TLE1: variants seen among roughly 807,000 people sequenced by gnomAD.
TLE1 encodes transducin-like enhancer protein 1.
A neutral mutation model predicts 89.8 loss-of-function variants in TLE1; 21 were observed. The observed-to-expected ratio is 0.23, with a 90% CI of 0.17 to 0.34. The LOEUF (loss-of-function observed/expected upper bound fraction) is 0.34, where lower values mean the gene tolerates loss of function less well. TLE1 is among the 10% of genes least tolerant of loss of function. The pLI is 1.00. For synonymous variants in TLE1, 447 were observed against 407.6 expected (o/e 1.10, Z -1.16); for missense variants, 795 against 1,031.2 (o/e 0.77, Z 3.14).
chr9:81,667,183 CAGGTGGATCACTTT>C lies in TLE1; in HGVS notation c.235-13161_235-13148del, dbSNP rs559580550. Among the ~76,000 whole-genome samples, 391 of 151,850 alleles carry C rather than the reference CAGGTGGATCACTTT, an allele frequency of 2.6e-3. 1 individual carries two copies. The highest frequency in any genetic ancestry group is 0.01 in the Middle Eastern group (3 of 290). ...ATTCCAGCATTTCGGGAGGCCGAGG[CAGGTGGATCACTTT>C]AGGTCAGGAGTTTGAGACCAGCCTG... On this transcript the variant is annotated intron_variant, in intron 4 of 19. Coordinates refer to ENST00000376499, the MANE Select transcript of TLE1 (RefSeq NM_005077.5).
At chr9:81,595,600 C>A (rs559755674) in intron 14 of TLE1, among the ~76,000 whole-genome samples, 1 of 152,086 alleles carries the variant, frequency 6.6e-6, no homozygotes, top group Non-Finnish European at 1.5e-5. Flanking sequence ...GGGCGGATCA[C>A]GAGATCAGGA....
intron 14 of TLE1, among the ~76,000 whole-genome samples, chr9:81,603,133 C>T (rs1419234205): frequency 6.6e-6 from 1 of 152,130 alleles, no homozygotes; most frequent in Non-Finnish European, 1.5e-5. Flanking sequence ...GAGGTTCAGC[C>T]CCTTCCCCTA....
chr9:81,637,002 C>CAAA (rs370837419), intron 6 of TLE1, among the ~76,000 whole-genome samples: 1 of 78,840 alleles, frequency 1.3e-5, no homozygotes, highest in African/African-American at 4.4e-5. Context: ...GACTCCGTCT[C>CAAA]AAAAAAAAAA....
Position 81,673,000 on chromosome 9 carries a change from CGGTG to C in TLE1, c.234+12672_234+12675del, listed in dbSNP as rs1262432777. 1.1e-4 allele frequency among the ~76,000 whole-genome samples: 17 copies of C among 151,900 alleles called. No homozygotes were observed. In the East Asian group the frequency reaches 3.1e-3, roughly 28 times the overall value. On this transcript the variant is annotated intron_variant, in intron 4 of 19. Coordinates refer to ENST00000376499, the MANE Select transcript of TLE1 (RefSeq NM_005077.5). The stretch of plus-strand genomic sequence containing the variant: ...TAAAGACTGCCAACAAGGCCGGACG[CGGTG>C]GCTCACGCCTGTAATCCCAGCACTT...
intron 14 of TLE1, among the ~76,000 whole-genome samples, chr9:81,595,551 G>T (rs1266556761): frequency 6.6e-6 from 1 of 152,134 alleles, no homozygotes; most frequent in Non-Finnish European, 1.5e-5. Context: ...GGGCGCGGTG[G>T]CTCACGCCTG....
intron 9 of TLE1, among the ~76,000 whole-genome samples, chr9:81,618,179 A>G (rs549819261): frequency 6.6e-6 from 1 of 152,360 alleles, no homozygotes; most frequent in South Asian, 2.1e-4. Context: ...AAAAAGCAGG[A>G]CATCTCAATG....
At chr9:81,684,786 G>A (rs1057494061) in intron 4 of TLE1, among the ~76,000 whole-genome samples, 16 of 151,722 alleles carry the variant, frequency 1.1e-4, no homozygotes, top group African/African-American at 2.2e-4. Context: ...TTGTACCAGC[G>A]TCTTGATGAA....
chr9:81,683,052 T>G (rs1359710241), intron 4 of TLE1, among the ~76,000 whole-genome samples: 2 of 152,190 alleles, frequency 1.3e-5, no homozygotes, highest in Admixed American at 6.5e-5. Flanking sequence ...GGATGCACTT[T>G]CACTTTAAAA....
intron 6 of TLE1, among the ~76,000 whole-genome samples, chr9:81,642,701 G>T (rs1218849267): frequency 7.9e-6 from 1 of 125,952 alleles, no homozygotes; most frequent in Non-Finnish European, 1.6e-5. Flanking sequence ...CTCAAAAAAT[G>T]AAAGAAAAGA....
In TLE1 at chr9:81,634,275, A is replaced by C. The variant is rs138795312; in HGVS notation, c.399T>G (p.Leu133=). 544 of 1,547,386 alleles carry C rather than the reference A, an allele frequency of 3.5e-4. 2 individuals are homozygous for C. The African/African-American group carries it at 6.7e-3, about 19-fold the overall frequency. The change falls in exon 7 of 20, where the codon CTT becomes CTG. Residue 133 remains leucine, a synonymous_variant. Transcript: ENST00000376499. ...GAACTGGGGGTCCGTGGCCATGAGA[A>C]AGATGCTGAGCTTGCAACTGCTGCT... The part of the protein sequence containing the change: ...IGQQQLQAQH[L]SHGHGPPVPL...
At chr9:81,647,306 C>T (rs2132551090) in intron 6 of TLE1, among the ~76,000 whole-genome samples, 1 of 152,324 alleles carries the variant, frequency 6.6e-6, no homozygotes, top group South Asian at 2.1e-4. Context: ...CTGCCTTATT[C>T]TTTGTGTTAG....
In TLE1 at chr9:81,620,124, C is replaced by A. The variant is rs534722564; in HGVS notation, c.711+317G>T. ...AAGATGGTGAGATCAGAGCATTACA[C>A]CAAGGGAGGCGGGGGGCCCGGGGGA... On this transcript the variant is annotated intron_variant, in intron 9 of 19. Transcript: ENST00000376499. Among the ~76,000 whole-genome samples, 3 of 151,788 alleles carry A rather than the reference C, an allele frequency of 2.0e-5. No homozygotes were observed. The East Asian group carries it at 5.8e-4, about 29-fold the overall frequency.
chr9:81,609,187 C>G (rs560762681), intron 14 of TLE1, among the ~76,000 whole-genome samples: 276 of 152,074 alleles, frequency 1.8e-3, no homozygotes, highest in African/African-American at 6.3e-3. Flanking sequence ...CAGGTTCAAG[C>G]GATTCTCTGG....
rs185619278 is a variant in TLE1 at position 81,599,716 on chromosome 9, G to C, written c.1332-6442C>G. The C allele has an allele frequency of 4.6e-3, 794 of 173,626 alleles. 7 individuals are homozygous for C. Among genetic ancestry groups the C allele is most frequent in the Non-Finnish European group, 7.5e-3 (621 of 82,616 alleles). 10.8% of individuals were successfully genotyped at this position (173,626 alleles called of 1,614,324 possible). On this transcript the variant is annotated intron_variant, in intron 14 of 19. Coordinates refer to ENST00000376499, the MANE Select transcript of TLE1 (RefSeq NM_005077.5). ...ACATCTACAAAATTTTTCCAGTTTG[G>C]CCATTTGCGTATTCTTCCAAATAGA...
chr9:81,591,065 C>T lies in TLE1; in HGVS notation c.1582-13G>A. The T allele has an allele frequency of 1.2e-6, 2 of 1,605,920 alleles. No homozygotes were observed. Among genetic ancestry groups the T allele is most frequent in the Non-Finnish European group, 1.7e-6 (2 of 1,173,362 alleles). Reference sequence around the variant, plus strand: ...AATTGTCTCTGTTCTGTAGAATAAACATAATTCATTGCTATAATGAATTAC... The same window carrying T: ...AATTGTCTCTGTTCTGTAGAATAAATATAATTCATTGCTATAATGAATTAC... On this transcript the variant is annotated splice_polypyrimidine_tract_variant and intron_variant, in intron 15 of 19. Coordinates refer to ENST00000376499, the MANE Select transcript of TLE1 (RefSeq NM_005077.5).
At chr9:81,650,827 G>A (rs1265815117) in intron 6 of TLE1, among the ~76,000 whole-genome samples, 2 of 152,158 alleles carry the variant, frequency 1.3e-5, no homozygotes, top group African/African-American at 4.8e-5. Context: ...AAAATCCACT[G>A]AAGCTCCCCA....
intron 1 of TLE1, 123 bp from the exon 2 acceptor site, chr9:81,687,557 G>T: frequency 1.4e-6 from 1 of 706,602 alleles, no homozygotes; most frequent in Non-Finnish European, 2.4e-6. Context: ...TGAAAACGAG[G>T]CCCCAAACTC....
At chr9:81,677,427 T>C (rs1833033411) in intron 4 of TLE1, among the ~76,000 whole-genome samples, 1 of 151,396 alleles carries the variant, frequency 6.6e-6, no homozygotes, top group Admixed American at 6.6e-5. Flanking sequence ...TAGCCGGGCA[T>C]CGTGGCAGAC....
chr9:81,641,397 G>A (rs1040740372), intron 6 of TLE1, among the ~76,000 whole-genome samples: 1 of 152,008 alleles, frequency 6.6e-6, no homozygotes, highest in South Asian at 2.1e-4. Context: ...TGCTTATGGG[G>A]CCAAGAATTC....
Sources: allele counts gnomAD v4.1 joint callset (sites outside exome capture counted in the v4.1 genomes callset), GRCh38; gene constraint gnomAD v4.1.1; transcripts MANE v1.5; gene names NCBI Gene and HGNC (gene_info 2026-07-23, HGNC 2026-07-21).